DYRK1A: variants seen among roughly 807,000 people sequenced by gnomAD.
The protein encoded by DYRK1A is dual specificity tyrosine-phosphorylation-regulated kinase 1A.
In DYRK1A, 9 loss-of-function variants were observed where a neutral mutation model predicts 79.7. The ratio of observed to expected loss-of-function variants is 0.11; its 90% CI spans 0.07 to 0.20. The LOEUF (loss-of-function observed/expected upper bound fraction) is 0.20. Ranked by LOEUF, DYRK1A falls within the 10% of genes least tolerant of loss-of-function variation. The probability of loss-of-function intolerance (pLI) is 1.00; values close to 1 mark genes in which losing one functional copy is unlikely to be tolerated. For synonymous variants in DYRK1A, 349 were observed against 329.7 expected, an observed-to-expected ratio of 1.06 and a Z score of -0.63; for missense variants, 622 against 956.0, an observed-to-expected ratio of 0.65 and a Z score of 4.61.
rs1320140369 is a variant in DYRK1A, at chr21:37,525,798, C to T, written c.*13267C>T. ...TATTAGCTGAATATCCCGACATGGCCTGTAATACAGCAGTTCAATGGTTTA... is the reference window on the plus strand; with the variant it reads ...TATTAGCTGAATATCCCGACATGGCTTGTAATACAGCAGTTCAATGGTTTA... On this transcript the variant is annotated 3_prime_UTR_variant, in exon 12 of 12. Coordinates refer to ENST00000647188, the MANE Select transcript of DYRK1A (RefSeq NM_001347721.2). 1 of 152,138 alleles carries T rather than the reference C, an allele frequency of 6.6e-6. No homozygotes were observed. Among genetic ancestry groups the T allele is most frequent in the East Asian group, 1.9e-4 (1 of 5,200 alleles). 9.4% of individuals were successfully genotyped at this position (152,138 alleles called of 1,614,324 possible). A position where few individuals can be genotyped will look rare whatever the true frequency, so the allele number is the denominator to read the frequency against.
chr21:37,475,193 C>T (rs1266482123), intron 3 of DYRK1A, among the ~76,000 whole-genome samples: 1 of 152,190 alleles, frequency 6.6e-6, no homozygotes, highest in Non-Finnish European at 1.5e-5. Context: ...AGGCAGATAG[C>T]TGAGGCAGCA....
intron 1 of DYRK1A, among the ~76,000 whole-genome samples, chr21:37,380,183 A>C (rs558744853): frequency 6.6e-6 from 1 of 152,332 alleles, no homozygotes; most frequent in Admixed American, 6.5e-5. Flanking sequence ...AGCCCTTAAG[A>C]CAAATACTGT....
At chr21:37,391,236 G>A (rs1309712203) in intron 1 of DYRK1A, among the ~76,000 whole-genome samples, 1 of 152,200 alleles carries the variant, frequency 6.6e-6, no homozygotes, top group African/African-American at 2.4e-5. Flanking sequence ...AGTGGACAGA[G>A]CCAGAGAATA....
Position 37,480,771 on chromosome 21 carries a change from A to G in DYRK1A, c.434A>G (p.Lys145Arg). ...NYDYIVKNGE[K>R]WMDRYEIDSL... ...GATTATATTGTAAAAAACGGAGAAA[A>G]GTGGATGGATCGTTACGAAATTGAC... Residue 145 changes from lysine to arginine, a missense_variant, in exon 5 of 12, where the codon AAG becomes AGG. Transcript: ENST00000647188. 6.2e-7 allele frequency: 1 copy of G among 1,611,732 alleles called. No individual in the cohort carries two copies. Among genetic ancestry groups the G allele is most frequent in the Non-Finnish European group, 8.5e-7 (1 of 1,179,070 alleles).
chr21:37,457,215 G>A (rs2051680359), intron 2 of DYRK1A, among the ~76,000 whole-genome samples: 1 of 151,882 alleles, frequency 6.6e-6, no homozygotes, highest in African/African-American at 2.4e-5. Context: ...ACAAATGCAT[G>A]CCACCACACC....
intron 11 of DYRK1A, among the ~76,000 whole-genome samples, chr21:37,506,888 T>G (rs2053613699): frequency 6.6e-6 from 1 of 152,188 alleles, no homozygotes. Flanking sequence ...TTAAGAGTGC[T>G]CTCCATTCTT....
At chr21:37,399,679 A>G (rs1010017826) in intron 1 of DYRK1A, among the ~76,000 whole-genome samples, 3 of 152,180 alleles carry the variant, frequency 2.0e-5, no homozygotes, top group Non-Finnish European at 4.4e-5. Flanking sequence ...ACTGAGCATG[A>G]GAGGCGTGGA....
At chr21:37,433,832 C>T (rs147839096) in intron 2 of DYRK1A, among the ~76,000 whole-genome samples, 74 of 152,256 alleles carry the variant, frequency 4.9e-4, no homozygotes, top group Non-Finnish European at 8.5e-4. Context: ...ATGGATTCTG[C>T]GAGAGCTTTG....
chr21:37,379,745 C>A (rs375447807), intron 1 of DYRK1A, among the ~76,000 whole-genome samples: 2 of 152,122 alleles, frequency 1.3e-5, no homozygotes, highest in South Asian at 4.1e-4. Context: ...TTTTTCTGAG[C>A]ATCTTAGTAT....
At chr21:37,434,989 A>G (rs2050882900) in intron 2 of DYRK1A, among the ~76,000 whole-genome samples, 1 of 152,262 alleles carries the variant, frequency 6.6e-6, no homozygotes, top group Non-Finnish European at 1.5e-5. Flanking sequence ...ACATGTCTAT[A>G]TAGTAAAAAG....
At chr21:37,410,163 T>C (rs2050217336) in intron 1 of DYRK1A, among the ~76,000 whole-genome samples, 1 of 152,142 alleles carries the variant, frequency 6.6e-6, no homozygotes, top group Admixed American at 6.6e-5. Flanking sequence ...TGAGAAAGCA[T>C]GATATTTGAG....
intron 2 of DYRK1A, among the ~76,000 whole-genome samples, chr21:37,445,927 TGAG>T (rs2051255668): frequency 6.6e-6 from 1 of 152,120 alleles, no homozygotes; most frequent in African/African-American, 2.4e-5. Context: ...GAGTATTGCT[TGAG>T]GAGTTCGAGA....
intron 1 of DYRK1A, among the ~76,000 whole-genome samples, chr21:37,395,460 T>C (rs1460329057): frequency 6.6e-6 from 1 of 152,200 alleles, no homozygotes; most frequent in Admixed American, 6.5e-5. Flanking sequence ...AAATCTTAGA[T>C]GTTAATCATG....
intron 1 of DYRK1A, among the ~76,000 whole-genome samples, chr21:37,396,464 A>G (rs73216427): frequency 0.076 from 11,458 of 151,528 alleles, 646 homozygotes; most frequent in Non-Finnish European, 0.11. Flanking sequence ...TTGCTTGGCA[A>G]TTGATAGATG....
At chr21:37,479,627 T>G (rs1417919679) in intron 4 of DYRK1A, among the ~76,000 whole-genome samples, 2 of 120,114 alleles carry the variant, frequency 1.7e-5, no homozygotes, top group Non-Finnish European at 3.4e-5. Context: ...TTGTTTTTTT[T>G]TTTTTTTTTG....
At chr21:37,466,169 C>G (rs573278640) in intron 2 of DYRK1A, among the ~76,000 whole-genome samples, 1 of 152,206 alleles carries the variant, frequency 6.6e-6, no homozygotes, top group African/African-American at 2.4e-5. Context: ...ATCTTTCCTT[C>G]CAGATGCATC....
At chr21:37,395,524 T>G (rs1401990015) in intron 1 of DYRK1A, among the ~76,000 whole-genome samples, 1 of 152,202 alleles carries the variant, frequency 6.6e-6, no homozygotes, top group Admixed American at 6.5e-5. Context: ...TTCCTTAATG[T>G]TTAATTTCCC....
intron 1 of DYRK1A, among the ~76,000 whole-genome samples, chr21:37,399,451 G>A (rs980693837): frequency 2.6e-5 from 4 of 151,936 alleles, no homozygotes; most frequent in Non-Finnish European, 5.9e-5. Flanking sequence ...GTTTGTGGTA[G>A]GGGACCTTTA....
intron 1 of DYRK1A, among the ~76,000 whole-genome samples, chr21:37,383,003 A>G (rs894639272): frequency 3.9e-5 from 6 of 152,162 alleles, no homozygotes; most frequent in African/African-American, 1.4e-4. Flanking sequence ...GGAAGTCTTT[A>G]TCTTAGGAGT....
Sources: allele counts gnomAD v4.1 joint callset (sites outside exome capture counted in the v4.1 genomes callset), GRCh38; gene constraint gnomAD v4.1.1; transcripts MANE v1.5; gene names NCBI Gene and HGNC (gene_info 2026-07-23, HGNC 2026-07-21).